The following TXNDC11 variants were observed in gnomAD, a reference collection of about 807,000 sequenced individuals.
TXNDC11 encodes thioredoxin domain-containing protein 11.
Under a neutral mutation model 78.0 loss-of-function variants are expected in TXNDC11, and 68 were observed. The observed-to-expected ratio is 0.87, with a 90% CI of 0.72 to 1.07. The LOEUF (loss-of-function observed/expected upper bound fraction) is 1.07. Among genes scored for constraint, TXNDC11 ranks in the 50% least tolerant of loss-of-function variants. TXNDC11 has a pLI of 0.00. For synonymous variants in TXNDC11, 571 were observed against 495.2 expected (o/e 1.15, Z -2.03); for missense variants, 1,389 against 1,221.8 (o/e 1.14, Z -2.04).
chr16:11,690,258 C>A (rs1184901404), intron 8 of TXNDC11, among the ~76,000 whole-genome samples: 1 of 152,198 alleles, frequency 6.6e-6, no homozygotes, highest in Admixed American at 6.5e-5. Flanking sequence ...CAGCAAATTC[C>A]TGGGAACAGG....
intron 5 of TXNDC11, among the ~76,000 whole-genome samples, chr16:11,719,477 T>A (rs2051639807): frequency 6.6e-6 from 1 of 152,244 alleles, no homozygotes. Flanking sequence ...AATGTGAATA[T>A]AGTAGATTCT....
intron 5 of TXNDC11, among the ~76,000 whole-genome samples, chr16:11,720,811 G>A (rs557886845): frequency 7.9e-5 from 12 of 151,554 alleles, no homozygotes; most frequent in African/African-American, 2.7e-4. Context: ...GCGCGATCTC[G>A]GTTTACTGCA....
chr16:11,702,092 GTA>G (rs35673646), intron 5 of TXNDC11, among the ~76,000 whole-genome samples: 15,941 of 143,980 alleles, frequency 0.11, 942 homozygotes, highest in South Asian at 0.2. Context: ...GTATGTATGT[GTA>G]TATATATATA....
rs151275837 is a variant in TXNDC11, at chr16:11,707,594, G to A, written c.794-7030C>T. Reference sequence around the variant, plus strand: ...CTCCTGAGTAGCTAGGATTGCAGGCGTGCACCACCATGCCCAGCTAATTTT... The same window carrying A: ...CTCCTGAGTAGCTAGGATTGCAGGCATGCACCACCATGCCCAGCTAATTTT... On this transcript the variant is annotated intron_variant, in intron 5 of 11. Coordinates refer to ENST00000283033, the MANE Select transcript of TXNDC11 (RefSeq NM_015914.7). Among the ~76,000 whole-genome samples the A allele has an allele frequency of 1.5e-3, 224 of 151,534 alleles. 1 individual carries two copies. The highest frequency in any genetic ancestry group is 3.9e-3 in the Admixed American group (59 of 15,226).
chr16:11,717,434 G>GAAAAAAAAAAAAAAAAA (rs58884197), intron 5 of TXNDC11, among the ~76,000 whole-genome samples: 1 of 62,330 alleles, frequency 1.6e-5, no homozygotes, highest in African/African-American at 6.8e-5. Flanking sequence ...GACTCCAAAT[G>GAAAAAAAAAAAAAAAAA]AAAAAAAAAA....
rs1000997091 is a variant in TXNDC11 at position 11,703,713 on chromosome 16, A to G, written c.794-3149T>C. 5 of 702,152 alleles carry G rather than the reference A, an allele frequency of 7.1e-6. No homozygotes were observed. The Admixed American group carries it at 1.0e-4, about 14-fold the overall frequency. The allele number at this position is 702,152 out of a possible 1,614,324, so 43.5% of individuals were successfully genotyped here. ...TTTCTAAATGCCATTCTCCAGTAAA[A>G]GAAACCAGGGCCCTTGGAGAAGAGG... is the stretch of plus-strand genomic sequence containing the variant. On this transcript the variant is annotated intron_variant, in intron 5 of 11. Transcript: ENST00000283033.
chr16:11,739,083 T>G (rs2052317587), intron 1 of TXNDC11, among the ~76,000 whole-genome samples: 1 of 152,064 alleles, frequency 6.6e-6, no homozygotes, highest in Non-Finnish European at 1.5e-5. Flanking sequence ...AGGAAAAATG[T>G]AGGTCTGACA....
At chr16:11,714,513 G>A (rs970864911) in intron 5 of TXNDC11, among the ~76,000 whole-genome samples, 1 of 152,074 alleles carries the variant, frequency 6.6e-6, no homozygotes, top group South Asian at 2.1e-4. Flanking sequence ...GGTGGCGGGC[G>A]CCTGTAGTCC....
At chr16:11,689,063 G>A (rs1367878571) in intron 8 of TXNDC11, among the ~76,000 whole-genome samples, 1 of 149,632 alleles carries the variant, frequency 6.7e-6, no homozygotes, top group Non-Finnish European at 1.5e-5. Context: ...TGCTTCATCT[G>A]AAACAATACT....
At chr16:11,712,731 C>A (rs963768923) in intron 5 of TXNDC11, among the ~76,000 whole-genome samples, 1 of 151,962 alleles carries the variant, frequency 6.6e-6, no homozygotes, top group Admixed American at 6.6e-5. Flanking sequence ...GGTGGCTGGA[C>A]TGCTTGAACC....
intron 6 of TXNDC11, among the ~76,000 whole-genome samples, chr16:11,698,669 A>C (rs1567309553): frequency 6.6e-6 from 1 of 152,364 alleles, no homozygotes; most frequent in East Asian, 1.9e-4. Context: ...GTCACTGGGT[A>C]TTCATAAAAG....
At chr16:11,736,349 C>T in intron 1 of TXNDC11, 116 bp from the exon 2 acceptor site, 1 of 783,436 alleles carries the variant, frequency 1.3e-6, no homozygotes. Context: ...AAAATGGAGT[C>T]CCAAAATCAC....
intron 5 of TXNDC11, among the ~76,000 whole-genome samples, chr16:11,715,617 T>G (rs2051506545): frequency 6.6e-6 from 1 of 152,212 alleles, no homozygotes; most frequent in Admixed American, 6.5e-5. Context: ...TCACGCGTCC[T>G]TTACCAGTCA....
At chr16:11,681,970 C>T (rs975466818) in intron 11 of TXNDC11, among the ~76,000 whole-genome samples, 3 of 152,254 alleles carry the variant, frequency 2.0e-5, no homozygotes, top group Admixed American at 1.3e-4. Context: ...TGCAATCTCA[C>T]TCCTCTGAAG....
At chr16:11,688,551 C>T in intron 8 of TXNDC11, 106 bp from the exon 9 acceptor site, 1 of 979,638 alleles carries the variant, frequency 1.0e-6, no homozygotes, top group East Asian at 2.6e-5. Flanking sequence ...TTCATAGGCT[C>T]ACATTTTTAA....
chr16:11,726,830 T>C lies in TXNDC11; in HGVS notation c.699+3815A>G, dbSNP rs550192182. ...AGCATTTTGGGAGGCTAAGGTGGGC[T>C]GATCACTTGAGGCTAGGAGTTCAAG... On this transcript the variant is annotated intron_variant, in intron 4 of 11. Transcript: ENST00000283033. Among the ~76,000 whole-genome samples the C allele has an allele frequency of 5.3e-5, 8 of 152,188 alleles. 1 individual carries two copies. In the South Asian group the frequency reaches 1.2e-3, roughly 24 times the overall value.
intron 7 of TXNDC11, 38 bp from the exon 8 acceptor site, chr16:11,692,120 T>C: frequency 6.7e-7 from 1 of 1,481,970 alleles, no homozygotes; most frequent in Non-Finnish European, 9.1e-7. Context: ...GGCTTGGGGA[T>C]GACTGAGGGA....
chr16:11,696,114 A>C (rs2050853136), intron 7 of TXNDC11, among the ~76,000 whole-genome samples: 1 of 151,754 alleles, frequency 6.6e-6, no homozygotes, highest in Non-Finnish European at 1.5e-5. Context: ...TCTCCTCCAA[A>C]GGCTTTTTCA....
intron 5 of TXNDC11, among the ~76,000 whole-genome samples, chr16:11,719,257 C>G (rs2141082687): frequency 6.6e-6 from 1 of 152,282 alleles, no homozygotes; most frequent in South Asian, 2.1e-4. Flanking sequence ...TAAGGTCTGT[C>G]TTCTGTGAAG....
Sources: allele counts gnomAD v4.1 joint callset (sites outside exome capture counted in the v4.1 genomes callset), GRCh38; gene constraint gnomAD v4.1.1; transcripts MANE v1.5; gene names NCBI Gene and HGNC (gene_info 2026-07-23, HGNC 2026-07-21).